The following MTR variants were observed in gnomAD, a reference collection of about 807,000 sequenced individuals.
MTR encodes the protein methionine synthase.
MTR carries 84 observed loss-of-function variants against 154.8 expected under a neutral mutation model. That is an observed-to-expected ratio of 0.54 (90% confidence interval 0.45 to 0.65). The LOEUF is 0.65. Among genes scored for constraint, MTR ranks in the 30% least tolerant of loss-of-function variants. The probability of loss-of-function intolerance (pLI) is 0.00; values close to 1 mark genes in which losing one functional copy is unlikely to be tolerated. For synonymous variants in MTR, 554 were observed against 553.9 expected (o/e 1.00, Z 0.00); for missense variants, 1,275 against 1,570.2 (o/e 0.81, Z 3.18).
At chr1:236,848,635 C>T (rs1572258803) in intron 15 of MTR, among the ~76,000 whole-genome samples, 1 of 152,102 alleles carries the variant, frequency 6.6e-6, no homozygotes, top group African/African-American at 2.4e-5. Context: ...GACGAAAGCT[C>T]GCCACCTTCC....
At chr1:236,815,508 A>C in intron 6 of MTR, 96 bp from the exon 7 acceptor site, 1 of 1,180,540 alleles carries the variant, frequency 8.5e-7, no homozygotes, top group Non-Finnish European at 1.3e-6. Flanking sequence ...TCTTATCTGA[A>C]GAGGTCTTAG....
At chr1:236,833,039 A>G (rs1455285722) in intron 13 of MTR, among the ~76,000 whole-genome samples, 1 of 151,988 alleles carries the variant, frequency 6.6e-6, no homozygotes, top group Non-Finnish European at 1.5e-5. Context: ...TTTTTTGTGT[A>G]TGGGATAAAA....
rs12096325 is a variant in MTR, at chr1:236,809,007, C to A, written c.409+234C>A. On this transcript the variant is annotated intron_variant, in intron 4 of 32. Coordinates refer to ENST00000366577, the MANE Select transcript of MTR (RefSeq NM_000254.3). ...CTTGGGCTCGGAATTTGCTCTTTCA[C>A]CCTGGGTTAGCCTGACTTTGTAGCT... is the stretch of plus-strand genomic sequence containing the variant. Among the ~76,000 whole-genome samples, 5,105 of 152,266 alleles carry A rather than the reference C, an allele frequency of 0.034. 300 individuals carry two copies. The highest frequency in any genetic ancestry group is 0.12 in the African/African-American group (4,786 of 41,510).
intron 14 of MTR, among the ~76,000 whole-genome samples, chr1:236,838,020 G>T (rs140054263): frequency 4.6e-5 from 7 of 152,164 alleles, no homozygotes; most frequent in African/African-American, 1.7e-4. Flanking sequence ...TTGGCTAGAG[G>T]GCTGTCCCCA....
chr1:236,887,179 G>A (rs144645688), intron 27 of MTR, among the ~76,000 whole-genome samples: 3 of 152,264 alleles, frequency 2.0e-5, no homozygotes, highest in East Asian at 1.9e-4. Flanking sequence ...CATTGCTCAC[G>A]ACATCTGTGT....
intron 15 of MTR, among the ~76,000 whole-genome samples, chr1:236,847,291 C>G (rs1228515803): frequency 1.3e-5 from 2 of 152,212 alleles, no homozygotes; most frequent in African/African-American, 4.8e-5. Flanking sequence ...AACTTTAACT[C>G]ACCTCTGAAG....
intron 15 of MTR, among the ~76,000 whole-genome samples, chr1:236,839,977 A>C (rs1349138024): frequency 6.6e-6 from 1 of 152,236 alleles, no homozygotes; most frequent in Non-Finnish European, 1.5e-5. Flanking sequence ...GCATAAGCAG[A>C]GAAAAGAATT....
At chr1:236,887,366 G>A (rs1206806702) in intron 27 of MTR, among the ~76,000 whole-genome samples, 4 of 152,172 alleles carry the variant, frequency 2.6e-5, no homozygotes, top group Admixed American at 1.3e-4. Context: ...GAGTGACCTT[G>A]AGCAGCTTGC....
chr1:236,895,257 A>G, intron 30 of MTR, 101 bp from the exon 31 acceptor site: 1 of 1,289,464 alleles, frequency 7.8e-7, no homozygotes, highest in Non-Finnish European at 1.1e-6. Context: ...GGTCCAGATG[A>G]GGGAGGGTGT....
At chr1:236,884,969 T>C (rs994379056) in intron 25 of MTR, 152 bp from the exon 26 acceptor site, 5 of 675,790 alleles carry the variant, frequency 7.4e-6, no homozygotes, top group African/African-American at 1.8e-5. Flanking sequence ...GAGTTTACCT[T>C]TTCCTGCACG....
intron 27 of MTR, among the ~76,000 whole-genome samples, chr1:236,887,761 G>A (rs1432595534): frequency 6.6e-6 from 1 of 152,244 alleles, no homozygotes; most frequent in Non-Finnish European, 1.5e-5. Flanking sequence ...CAGTCCTAGG[G>A]TAGTTGCAGG....
At chr1:236,813,253 C>A (rs781180426) in intron 6 of MTR, among the ~76,000 whole-genome samples, 2 of 152,026 alleles carry the variant, frequency 1.3e-5, no homozygotes, top group Non-Finnish European at 1.5e-5. Flanking sequence ...CTGACAGATG[C>A]GATACAGATA....
At chr1:236,811,621 T>G (rs1558278219) in intron 5 of MTR, 1 of 456,286 alleles carries the variant, frequency 2.2e-6, no homozygotes, top group Non-Finnish European at 4.4e-6. Context: ...GGCTTATGTG[T>G]TGTTGATGCT....
intron 8 of MTR, chr1:236,820,323 A>G (rs1014344005): frequency 8.0e-6 from 6 of 753,842 alleles, no homozygotes; most frequent in Non-Finnish European, 9.7e-6. Context: ...TTCAGGGTGA[A>G]TGGACTGCTC....
At chr1:236,860,634 C>T (rs1479674192) in intron 19 of MTR, among the ~76,000 whole-genome samples, 1 of 152,086 alleles carries the variant, frequency 6.6e-6, no homozygotes, top group Non-Finnish European at 1.5e-5. Context: ...TACAGCATTA[C>T]AGTGAGAAAA....
intron 14 of MTR, among the ~76,000 whole-genome samples, chr1:236,836,036 G>A (rs1474246806): frequency 6.6e-6 from 1 of 152,098 alleles, no homozygotes; most frequent in Non-Finnish European, 1.5e-5. Context: ...GGAACTCAGT[G>A]AATTCTTTCT....
chr1:236,876,360 C>T (rs1010421236), intron 24 of MTR, among the ~76,000 whole-genome samples: 2 of 152,048 alleles, frequency 1.3e-5, no homozygotes, highest in Non-Finnish European at 2.9e-5. Context: ...ACTTATGTAC[C>T]AGGAAATGTG....
At chr1:236,796,494 A>G (rs1315458662) in intron 1 of MTR, among the ~76,000 whole-genome samples, 1 of 152,232 alleles carries the variant, frequency 6.6e-6, no homozygotes, top group Admixed American at 6.5e-5. Flanking sequence ...ATTAGTGATA[A>G]GTACAAAACA....
chr1:236,894,654 G>C (rs1231585599), intron 30 of MTR, 97 bp downstream of exon 30: 6 of 1,147,552 alleles, frequency 5.2e-6, no homozygotes, highest in Non-Finnish European at 7.4e-6. Flanking sequence ...CTTAGAACCA[G>C]TGTCTTTTTT....
Sources: gnomAD v4.1 joint callset for allele counts (sites outside exome capture counted in the v4.1 genomes callset) on GRCh38, gnomAD v4.1.1 for gene constraint, MANE v1.5 for transcripts, NCBI Gene and HGNC (gene_info 2026-07-23, HGNC 2026-07-21) for gene names.